GPD1L: variants seen among roughly 807,000 people sequenced by gnomAD.
The protein encoded by GPD1L is glycerol-3-phosphate dehydrogenase 1-like protein.
In GPD1L, 17 loss-of-function variants were observed where a neutral mutation model predicts 32.9. The ratio of observed to expected loss-of-function variants is 0.52; its 90% CI spans 0.35 to 0.78. The LOEUF (loss-of-function observed/expected upper bound fraction) is 0.78. GPD1L is among the 30% of genes least tolerant of loss of function. The pLI is 0.01. For missense variants in GPD1L, 361 were observed against 447.8 expected (o/e 0.81, Z 1.75); for synonymous variants, 187 against 165.9 (o/e 1.13, Z -0.98).
At chr3:32,126,183 A>G (rs1700504916) in intron 1 of GPD1L, among the ~76,000 whole-genome samples, 1 of 152,188 alleles carries the variant, frequency 6.6e-6, no homozygotes, top group East Asian at 1.9e-4. Context: ...TGACAGAGTG[A>G]GATCCTGTAT....
intron 1 of GPD1L, among the ~76,000 whole-genome samples, chr3:32,121,624 T>TTATATATATTTCTATATATATAA (rs1452726054): frequency 6.1e-5 from 4 of 65,882 alleles, no homozygotes; most frequent in Non-Finnish European, 7.3e-5. Flanking sequence ...TCTATATATA[T>TTATATATATTTCTATATATATAA]TATATATATT....
intron 2 of GPD1L, among the ~76,000 whole-genome samples, chr3:32,129,196 C>T (rs1700554129): frequency 6.6e-6 from 1 of 152,096 alleles, no homozygotes; most frequent in South Asian, 2.1e-4. Context: ...TATGGTTAAC[C>T]CAAGAAGCTC....
In GPD1L at chr3:32,152,753, C is replaced by T. The variant is rs563243785; in HGVS notation, c.618+6019C>T. Reference sequence around the variant, plus strand: ...TGGCATAGGGTAGCATAGGGTGTGGCCCTTGTCTTCATGGTCTGTGAAAGT... The same window carrying T: ...TGGCATAGGGTAGCATAGGGTGTGGTCCTTGTCTTCATGGTCTGTGAAAGT... On this transcript the variant is annotated intron_variant, in intron 5 of 7. Transcript: ENST00000282541. 2.6e-5 allele frequency among the ~76,000 whole-genome samples: 4 copies of T among 151,946 alleles called. No homozygotes were observed. In the South Asian group the frequency reaches 8.3e-4, roughly 32 times the overall value.
intron 1 of GPD1L, among the ~76,000 whole-genome samples, chr3:32,121,767 CTATATATATATATATTTT>C (rs1168481942): frequency 7.6e-6 from 1 of 131,540 alleles, no homozygotes; most frequent in Non-Finnish European, 1.5e-5. Flanking sequence ...ATATATATTT[CTATATATATATATATTTT>C]TTTTAGGCAG....
chr3:32,131,087 T>C (rs997513775), intron 2 of GPD1L, among the ~76,000 whole-genome samples: 2 of 152,234 alleles, frequency 1.3e-5, no homozygotes, highest in African/African-American at 4.8e-5. Context: ...AAATGGTTGA[T>C]CCTGTTTTCT....
At chr3:32,154,087 A>G (rs1700955871) in intron 5 of GPD1L, among the ~76,000 whole-genome samples, 1 of 152,112 alleles carries the variant, frequency 6.6e-6, no homozygotes, top group South Asian at 2.1e-4. Flanking sequence ...CTGGCTCAGT[A>G]TCTTTATTTT....
intron 5 of GPD1L, among the ~76,000 whole-genome samples, chr3:32,157,036 A>G (rs1368255627): frequency 7.2e-5 from 11 of 152,102 alleles, no homozygotes. Flanking sequence ...AGGAGCTGGA[A>G]AAGTGGAAGG....
intron 7 of GPD1L, among the ~76,000 whole-genome samples, chr3:32,161,591 G>A (rs1381489019): frequency 6.6e-6 from 1 of 152,188 alleles, no homozygotes; most frequent in Non-Finnish European, 1.5e-5. Flanking sequence ...CTACCATGGG[G>A]TGCCTTGATA....
At chr3:32,114,272 G>C (rs35505434) in intron 1 of GPD1L, among the ~76,000 whole-genome samples, 1 of 152,154 alleles carries the variant, frequency 6.6e-6, no homozygotes, top group South Asian at 2.1e-4. Flanking sequence ...GCTAGCTTAG[G>C]CTTCTCCATA....
rs140206287 is a variant in GPD1L, at chr3:32,131,608, C to T, written c.225+3355C>T. ...CTTCGTTCCTTTTTATGGCTGAATA[C>T]GATCCTGTTGTATGGATGTCCCACA... On this transcript the variant is annotated intron_variant, in intron 2 of 7. Transcript: ENST00000282541. Among the ~76,000 whole-genome samples the T allele has an allele frequency of 3.9e-5, 6 of 152,282 alleles. No individual in the cohort carries two copies. In the East Asian group the frequency reaches 5.8e-4, roughly 15 times the overall value.
intron 5 of GPD1L, among the ~76,000 whole-genome samples, chr3:32,155,128 C>T (rs1208191400): frequency 2.0e-5 from 3 of 152,074 alleles, no homozygotes; most frequent in East Asian, 1.9e-4. Context: ...TCTTTTTGAC[C>T]GAGGTTGGAG....
intron 2 of GPD1L, among the ~76,000 whole-genome samples, chr3:32,133,431 T>C (rs894655811): frequency 3.3e-5 from 5 of 152,170 alleles, no homozygotes; most frequent in African/African-American, 4.8e-5. Flanking sequence ...AACAGGAAAA[T>C]TCTTATAATA....
At chr3:32,165,414 G>C (rs1219361984) in intron 7 of GPD1L, among the ~76,000 whole-genome samples, 2 of 78,078 alleles carry the variant, frequency 2.6e-5, no homozygotes, top group Non-Finnish European at 4.9e-5. Flanking sequence ...ATTCTTTTTG[G>C]AGAAGGGAGA....
In GPD1L at chr3:32,138,578, TG is replaced by T; in HGVS notation, c.226-7del. 6.2e-7 allele frequency: 1 copy of T among 1,613,928 alleles called. No homozygotes were observed. Among genetic ancestry groups the T allele is most frequent in the Non-Finnish European group, 8.5e-7 (1 of 1,179,862 alleles). On this transcript the variant is annotated splice_polypyrimidine_tract_variant and splice_region_variant and intron_variant, in intron 2 of 7. Transcript: ENST00000282541. ...AGGAGAAACGGTCTTCTCTGCCTTT[TG>T]GTTGCAGGTTGCCATGTCAAATCTT... is the stretch of plus-strand genomic sequence containing the variant.
At chr3:32,155,349 G>C (rs902406867) in intron 5 of GPD1L, among the ~76,000 whole-genome samples, 2 of 152,210 alleles carry the variant, frequency 1.3e-5, no homozygotes, top group East Asian at 3.8e-4. Flanking sequence ...GAGGCAGTGT[G>C]TAACTAGCCT....
chr3:32,129,824 G>T (rs1204736332), intron 2 of GPD1L, among the ~76,000 whole-genome samples: 1 of 152,306 alleles, frequency 6.6e-6, no homozygotes. Context: ...GGCCTGTGGG[G>T]TCATCTCTAA....
chr3:32,108,327 G>A (rs1434272383), intron 1 of GPD1L, among the ~76,000 whole-genome samples: 2 of 152,170 alleles, frequency 1.3e-5, no homozygotes, highest in African/African-American at 4.8e-5. Context: ...AGACCACGGT[G>A]AAACCCCGTC....
In GPD1L at chr3:32,121,624, T is replaced by TTTC. The variant is rs1553657531; in HGVS notation, c.48-6451_48-6450insTCT. 6.8e-4 allele frequency among the ~76,000 whole-genome samples: 45 copies of TTTC among 65,738 alleles called. No individual in the cohort carries two copies. In the East Asian group the frequency reaches 7.0e-3, roughly 10 times the overall value. 43.1% of individuals were successfully genotyped at this position (65,738 alleles called of 152,430 possible). On this transcript the variant is annotated intron_variant, in intron 1 of 7. Transcript: ENST00000282541. ...ATTTCTATATATATTTCTATATATA[T>TTTC]TATATATATTTCTATATATATAATA...
chr3:32,136,606 G>A (rs1700663547), intron 2 of GPD1L, among the ~76,000 whole-genome samples: 2 of 152,318 alleles, frequency 1.3e-5, no homozygotes, highest in Middle Eastern at 3.4e-3. Context: ...AATCCTTTGT[G>A]TGAGGGAGTA....
Sources: gnomAD v4.1 joint callset for allele counts (sites outside exome capture counted in the v4.1 genomes callset) on GRCh38, gnomAD v4.1.1 for gene constraint, MANE v1.5 for transcripts, NCBI Gene and HGNC (gene_info 2026-07-23, HGNC 2026-07-21) for gene names.